NTM: variants seen among roughly 807,000 people sequenced by gnomAD.
NTM encodes IgLON family member 2.
Under a neutral mutation model 42.1 loss-of-function variants are expected in NTM, and 13 were observed. The ratio of observed to expected loss-of-function variants is 0.31; its 90% CI spans 0.20 to 0.49. The LOEUF (loss-of-function observed/expected upper bound fraction) is 0.49. Ranked by LOEUF, NTM falls within the 20% of genes least tolerant of loss-of-function variation. The pLI is 0.99. For synonymous variants in NTM, 187 were observed against 179.2 expected (o/e 1.04, Z -0.35); for missense variants, 373 against 452.8 (o/e 0.82, Z 1.60).
At chr11:132,220,169 G>T (rs561106717) in intron 4 of NTM, among the ~76,000 whole-genome samples, 10 of 152,280 alleles carry the variant, frequency 6.6e-5, no homozygotes, top group African/African-American at 2.4e-4. Flanking sequence ...AGAGCATTAG[G>T]TTCAATATAT....
At chr11:131,824,448 A>G (rs1298575969) in intron 1 of NTM, among the ~76,000 whole-genome samples, 1 of 152,234 alleles carries the variant, frequency 6.6e-6, no homozygotes, top group Non-Finnish European at 1.5e-5. Context: ...TGGACACATA[A>G]GATAATAAAA....
intron 4 of NTM, among the ~76,000 whole-genome samples, chr11:132,262,657 TCTC>T (rs2092934025): frequency 6.6e-6 from 1 of 152,160 alleles, no homozygotes; most frequent in South Asian, 2.1e-4. Flanking sequence ...AAATGCCTCA[TCTC>T]CTAATACCAT....
chr11:132,335,018 A>G, intron 8 of NTM, 28 bp from the exon 9 acceptor site: 1 of 1,603,634 alleles, frequency 6.2e-7, no homozygotes, highest in Non-Finnish European at 8.5e-7. Context: ...CTCCCAGACC[A>G]CTCACGGCGA....
chr11:131,973,570 A>G (rs1265528189), intron 2 of NTM, among the ~76,000 whole-genome samples: 1 of 152,230 alleles, frequency 6.6e-6, no homozygotes, highest in Non-Finnish European at 1.5e-5. Flanking sequence ...CGATAATCCC[A>G]GCACCTTGGG....
intron 1 of NTM, among the ~76,000 whole-genome samples, chr11:131,465,258 C>T (rs558686097): frequency 7.2e-5 from 11 of 152,278 alleles, no homozygotes; most frequent in African/African-American, 1.4e-4. Flanking sequence ...ACAGATGAGC[C>T]GCCCCATGGG....
intron 1 of NTM, among the ~76,000 whole-genome samples, chr11:131,423,503 C>T (rs1443245238): frequency 6.6e-6 from 1 of 152,130 alleles, no homozygotes; most frequent in African/African-American, 2.4e-5. Context: ...ACCTGTAGGA[C>T]CTCTACTAGT....
intron 3 of NTM, among the ~76,000 whole-genome samples, chr11:132,167,913 G>A (rs537589069): frequency 7.9e-5 from 12 of 152,232 alleles, no homozygotes; most frequent in African/African-American, 9.6e-5. Context: ...TGCCCACAAC[G>A]GGAAGAATCA....
At chr11:131,977,729 G>T (rs982151010) in intron 2 of NTM, among the ~76,000 whole-genome samples, 1 of 152,104 alleles carries the variant, frequency 6.6e-6, no homozygotes, top group African/African-American at 2.4e-5. Flanking sequence ...AAATTCTGAT[G>T]TCCAATTAAG....
intron 1 of NTM, among the ~76,000 whole-genome samples, chr11:131,623,029 G>T (rs989890129): frequency 6.6e-6 from 1 of 152,214 alleles, no homozygotes; most frequent in Non-Finnish European, 1.5e-5. Flanking sequence ...TATCTCAAAC[G>T]ATCTCAGAAA....
intron 2 of NTM, among the ~76,000 whole-genome samples, chr11:132,023,587 A>T (rs1454723936): frequency 1.3e-5 from 2 of 151,764 alleles, no homozygotes; most frequent in African/African-American, 4.8e-5. Context: ...GCATTTCCAG[A>T]CTCCTTCTCA....
At chr11:132,018,690 C>T (rs2073839961) in intron 2 of NTM, among the ~76,000 whole-genome samples, 1 of 151,692 alleles carries the variant, frequency 6.6e-6, no homozygotes, top group Admixed American at 6.6e-5. Flanking sequence ...TATTTTTATT[C>T]CTTATGTTTT....
intron 3 of NTM, among the ~76,000 whole-genome samples, chr11:132,210,237 A>G (rs1297438043): frequency 1.3e-5 from 2 of 152,338 alleles, no homozygotes; most frequent in South Asian, 2.1e-4. Flanking sequence ...AGAATATAAC[A>G]TGAAGAAACA....
intron 4 of NTM, among the ~76,000 whole-genome samples, chr11:132,286,640 C>T (rs544111177): frequency 6.6e-6 from 1 of 152,228 alleles, no homozygotes; most frequent in South Asian, 2.1e-4. Context: ...TTCAACTGGG[C>T]ACCATCTCTG....
chr11:131,941,106 A>G (rs932499734), intron 2 of NTM, among the ~76,000 whole-genome samples: 2 of 152,198 alleles, frequency 1.3e-5, no homozygotes, highest in Non-Finnish European at 2.9e-5. Flanking sequence ...ACATTGTACA[A>G]TTTCTCACAC....
At chr11:132,113,946 G>A (rs181561396) in intron 2 of NTM, among the ~76,000 whole-genome samples, 19 of 152,100 alleles carry the variant, frequency 1.2e-4, no homozygotes, top group East Asian at 7.8e-4. Context: ...CCCATGCTGC[G>A]GCTCTTTCCA....
Position 132,172,398 on chromosome 11 carries a change from A to G in NTM, c.400+25884A>G, listed in dbSNP as rs2076233624. 5.3e-5 allele frequency among the ~76,000 whole-genome samples: 8 copies of G among 152,190 alleles called. No homozygotes were observed. In the South Asian group the frequency reaches 1.7e-3, roughly 32 times the overall value. ...CATTTTCTGGACATATCCATTGCCA[A>G]GGAGATGTCTCTGCCCAAGAAATGG... On this transcript the variant is annotated intron_variant, in intron 3 of 8. Coordinates refer to ENST00000683400, the MANE Select transcript of NTM (RefSeq NM_001352005.2).
intron 2 of NTM, among the ~76,000 whole-genome samples, chr11:132,118,967 T>G (rs549370882): frequency 6.6e-6 from 1 of 152,006 alleles, no homozygotes; most frequent in South Asian, 2.1e-4. Flanking sequence ...AGATAGATAG[T>G]GTATAGTAGA....
intron 4 of NTM, among the ~76,000 whole-genome samples, chr11:132,287,652 C>A (rs1197766997): frequency 3.3e-5 from 5 of 152,168 alleles, no homozygotes; most frequent in Non-Finnish European, 7.4e-5. Flanking sequence ...TTTGACTCTG[C>A]ATGTTTCCCA....
At chr11:132,314,041 C>T (rs997154191) in intron 6 of NTM, among the ~76,000 whole-genome samples, 4 of 151,266 alleles carry the variant, frequency 2.6e-5, no homozygotes, top group South Asian at 4.1e-4. Flanking sequence ...ATTATCTATA[C>T]AATGCAATGC....
Sources: gnomAD v4.1 joint callset for allele counts (sites outside exome capture counted in the v4.1 genomes callset) on GRCh38, gnomAD v4.1.1 for gene constraint, MANE v1.5 for transcripts, NCBI Gene and HGNC (gene_info 2026-07-23, HGNC 2026-07-21) for gene names.